The following ATG5 variants were observed in gnomAD, a reference collection of about 807,000 sequenced individuals.
ATG5 encodes autophagy related 5, also known as autophagy protein 5.
A neutral mutation model predicts 36.5 loss-of-function variants in ATG5; 14 were observed. That is an observed-to-expected ratio of 0.38 (90% CI 0.25 to 0.60). ATG5 has a LOEUF of 0.60. ATG5 is among the 20% of genes least tolerant of loss of function. The pLI is 0.60. For missense variants in ATG5, 195 were observed against 326.7 expected (o/e 0.60, Z 3.11); for synonymous variants, 95 against 101.5 (o/e 0.94, Z 0.38).
At chr6:106,219,841 T>C (rs972756782) in intron 6 of ATG5, among the ~76,000 whole-genome samples, 4 of 152,150 alleles carry the variant, frequency 2.6e-5, no homozygotes, top group African/African-American at 9.7e-5. Context: ...ATGAAAAGAT[T>C]ACACCCAAGA....
At chr6:106,194,247 A>G (rs1052304196) in intron 7 of ATG5, among the ~76,000 whole-genome samples, 7 of 152,158 alleles carry the variant, frequency 4.6e-5, no homozygotes, top group Non-Finnish European at 1.0e-4. Context: ...CTGTGGCATG[A>G]GTTTGCAAAC....
chr6:106,219,962 C>T (rs1562218668), intron 6 of ATG5, among the ~76,000 whole-genome samples: 1 of 152,068 alleles, frequency 6.6e-6, no homozygotes, highest in Non-Finnish European at 1.5e-5. Context: ...CTGCTTATCC[C>T]CTCCAAGCAA....
chr6:106,288,187 C>A (rs1047462567), intron 4 of ATG5, among the ~76,000 whole-genome samples: 60 of 151,858 alleles, frequency 4.0e-4, no homozygotes, highest in Admixed American at 2.1e-3. Context: ...GCCAGGCAGG[C>A]CTCAAACTCC....
intron 5 of ATG5, among the ~76,000 whole-genome samples, chr6:106,273,294 T>C (rs1779523372): frequency 1.3e-5 from 2 of 152,232 alleles, no homozygotes; most frequent in South Asian, 2.1e-4. Flanking sequence ...AAAACTCTTG[T>C]TTCTGTTTTA....
intron 5 of ATG5, among the ~76,000 whole-genome samples, chr6:106,268,808 T>C (rs1373723544): frequency 6.6e-6 from 1 of 151,694 alleles, no homozygotes; most frequent in African/African-American, 2.4e-5. Context: ...TTCTCACTCA[T>C]TAGTGGGAGC....
At chr6:106,268,560 TAAAG>T (rs1303313770) in intron 5 of ATG5, among the ~76,000 whole-genome samples, 1 of 152,178 alleles carries the variant, frequency 6.6e-6, no homozygotes, top group Non-Finnish European at 1.5e-5. Flanking sequence ...CATTCTACTA[TAAAG>T]ACACATGCAA....
Position 106,308,979 on chromosome 6 carries a change from CA to C in ATG5, c.109-489del, listed in dbSNP as rs34408804. ...GAGAATGCTGAGCTAGGTAAAGCCTCAAAAAAAAACAGTATGAAGAACCTGG... is the reference window on the plus strand; with the variant it reads ...GAGAATGCTGAGCTAGGTAAAGCCTCAAAAAAAACAGTATGAAGAACCTGG... On this transcript the variant is annotated intron_variant, in intron 2 of 7. Coordinates refer to ENST00000369076, the MANE Select transcript of ATG5 (RefSeq NM_004849.4). Among the ~76,000 whole-genome samples the C allele has an allele frequency of 2.7e-5, 4 of 148,710 alleles. No homozygotes were observed. The South Asian group carries it at 8.5e-4, about 32-fold the overall frequency.
At chr6:106,230,607 T>TG (rs1777645189) in intron 6 of ATG5, among the ~76,000 whole-genome samples, 1 of 152,204 alleles carries the variant, frequency 6.6e-6, no homozygotes, top group Non-Finnish European at 1.5e-5. Context: ...CTAGGACTAA[T>TG]GCTCATCGGA....
chr6:106,196,670 C>G (rs531100544), intron 7 of ATG5, among the ~76,000 whole-genome samples: 3 of 151,654 alleles, frequency 2.0e-5, no homozygotes, highest in African/African-American at 7.3e-5. Flanking sequence ...TTGCAGTGAG[C>G]TGAGATGGCA....
At position 106,278,954 on chromosome 6, in the gene ATG5, TTAATATACCA is replaced by T. The variant is rs1214657351; in HGVS notation, c.478+697_478+706del. On this transcript the variant is annotated intron_variant, in intron 5 of 7. Transcript: ENST00000369076. ...TTGCATTTTATGTAATTATCTGCGG[TTAATATACCA>T]CAGTAATTGAAATTTGAACCATACA... is the stretch of plus-strand genomic sequence containing the variant. Among the ~76,000 whole-genome samples, 18 of 152,338 alleles carry T rather than the reference TTAATATACCA, an allele frequency of 1.2e-4. No homozygotes were observed. In the East Asian group the frequency reaches 3.5e-3, roughly 29 times the overall value.
At position 106,323,366 on chromosome 6, in the gene ATG5, G is replaced by C. The variant is rs532956662; in HGVS notation, c.-59+2160C>G. ...TCACTGTAACCTTGAGCTCAAGGGG[G>C]TCAAGTGATCCTCCCCTCCCATCTC... On this transcript the variant is annotated intron_variant, in intron 1 of 7. Transcript: ENST00000369076. Among the ~76,000 whole-genome samples the C allele has an allele frequency of 4.0e-5, 6 of 150,042 alleles. No individual in the cohort carries two copies. The Admixed American group carries it at 4.0e-4, about 10-fold the overall frequency.
At chr6:106,236,069 T>C (rs577939997) in intron 6 of ATG5, among the ~76,000 whole-genome samples, 50 of 152,350 alleles carry the variant, frequency 3.3e-4, no homozygotes, top group African/African-American at 1.2e-3. Context: ...GTTTTGTCTG[T>C]TCTAGAACTT....
intron 5 of ATG5, among the ~76,000 whole-genome samples, chr6:106,274,355 G>A (rs1047864091): frequency 6.6e-6 from 1 of 152,034 alleles, no homozygotes; most frequent in Non-Finnish European, 1.5e-5. Flanking sequence ...AAAAAACACT[G>A]AAAGGCACAG....
At chr6:106,266,286 G>A (rs1377725285) in intron 5 of ATG5, among the ~76,000 whole-genome samples, 4 of 152,142 alleles carry the variant, frequency 2.6e-5, no homozygotes, top group Non-Finnish European at 5.9e-5. Flanking sequence ...ACACTGCCAA[G>A]ACTAAACCAG....
intron 1 of ATG5, among the ~76,000 whole-genome samples, chr6:106,323,438 C>A (rs991900231): frequency 2.0e-5 from 3 of 150,580 alleles, no homozygotes; most frequent in Non-Finnish European, 4.4e-5. Flanking sequence ...CTATGCCCAG[C>A]TAATTTTTTA....
At chr6:106,298,060 G>A (rs1248348270) in intron 3 of ATG5, among the ~76,000 whole-genome samples, 1 of 151,370 alleles carries the variant, frequency 6.6e-6, no homozygotes, top group Non-Finnish European at 1.5e-5. Context: ...TGCCTCCCAG[G>A]TTCAAGCGAT....
At chr6:106,276,197 G>C (rs1020327249) in intron 5 of ATG5, among the ~76,000 whole-genome samples, 25 of 152,178 alleles carry the variant, frequency 1.6e-4, no homozygotes, top group African/African-American at 4.8e-5. Context: ...GGGCGCGGTG[G>C]CTCACGCCTG....
chr6:106,212,546 G>A (rs1305158330), intron 6 of ATG5, among the ~76,000 whole-genome samples: 1 of 152,220 alleles, frequency 6.6e-6, no homozygotes, highest in Non-Finnish European at 1.5e-5. Context: ...GGCTGAGGCA[G>A]GAGAATCACT....
chr6:106,197,977 G>T (rs1464650027), intron 7 of ATG5, among the ~76,000 whole-genome samples: 9 of 152,006 alleles, frequency 5.9e-5, no homozygotes. Flanking sequence ...AGGTTTATGG[G>T]GTTTATCTCT....
Sources: gnomAD v4.1 joint callset for allele counts (sites outside exome capture counted in the v4.1 genomes callset) on GRCh38, gnomAD v4.1.1 for gene constraint, MANE v1.5 for transcripts, NCBI Gene and HGNC (gene_info 2026-07-23, HGNC 2026-07-21) for gene names.